The following PKP4 variants were observed in gnomAD, a reference collection of about 807,000 sequenced individuals.
The protein encoded by PKP4 is plakophilin 4, also known as plakophilin-4.
PKP4 carries 90 observed loss-of-function variants against 145.1 expected under a neutral mutation model. The observed-to-expected ratio is 0.62, with a 90% CI of 0.52 to 0.74. The LOEUF is 0.74. Among genes scored for constraint, PKP4 ranks in the 30% least tolerant of loss-of-function variants. The probability of loss-of-function intolerance (pLI) is 0.00; values close to 1 mark genes in which losing one functional copy is unlikely to be tolerated. For missense variants in PKP4, 1,340 were observed against 1,482.7 expected (o/e 0.90, Z 1.58); for synonymous variants, 563 against 577.2 (o/e 0.98, Z 0.35).
At chr2:158,572,536 A>G (rs1441821258) in intron 2 of PKP4, among the ~76,000 whole-genome samples, 1 of 152,200 alleles carries the variant, frequency 6.6e-6, no homozygotes, top group African/African-American at 2.4e-5. Context: ...TCCATGCCAC[A>G]GGCATTTGAG....
intron 1 of PKP4, among the ~76,000 whole-genome samples, chr2:158,471,496 A>G (rs964334758): frequency 2.0e-5 from 3 of 152,222 alleles, no homozygotes; most frequent in African/African-American, 7.2e-5. Context: ...CTCATTGTCA[A>G]AAAAAGCCTT....
chr2:158,661,896 T>C, intron 13 of PKP4: 1 of 160,606 alleles, frequency 6.2e-6, no homozygotes, highest in Non-Finnish European at 1.4e-5. Flanking sequence ...TGCACCTCTC[T>C]ACACCCCCTC....
chr2:158,528,621 G>A (rs182649499), intron 1 of PKP4, among the ~76,000 whole-genome samples: 4,811 of 71,494 alleles, frequency 0.067, 128 homozygotes, highest in South Asian at 0.14. Flanking sequence ...ATGTACCCTA[G>A]AACTTAAAGT....
rs746041922 is a variant in PKP4, at chr2:158,624,860, T to C, written c.604-18T>C. 1.0e-5 allele frequency: 16 copies of C among 1,547,380 alleles called. No homozygotes were observed. The highest frequency in any genetic ancestry group is 9.7e-5 in the Admixed American group (5 of 51,800). On this transcript the variant is annotated intron_variant, in intron 6 of 21. Transcript: ENST00000389759. ...ACCCTGGATAAACCCATTCTCTTTT[T>C]TCCCCCCCTTTCATCAGCCATCAGT...
chr2:158,480,393 C>G (rs1189034154), intron 1 of PKP4, among the ~76,000 whole-genome samples: 1 of 152,040 alleles, frequency 6.6e-6, no homozygotes, highest in Non-Finnish European at 1.5e-5. Flanking sequence ...CCCACCACCA[C>G]GCCCAGCTAA....
At chr2:158,530,248 G>C (rs2043392505) in intron 1 of PKP4, among the ~76,000 whole-genome samples, 1 of 152,162 alleles carries the variant, frequency 6.6e-6, no homozygotes, top group African/African-American at 2.4e-5. Context: ...CCCAAGATCT[G>C]TGTCTAGCTC....
At chr2:158,620,841 TAA>T (rs1391544048) in intron 4 of PKP4, 147 bp from the exon 5 acceptor site, 11 of 631,238 alleles carry the variant, frequency 1.7e-5, no homozygotes, top group South Asian at 8.0e-5. Flanking sequence ...TTCATATAGT[TAA>T]GAGTCAGATG....
rs181103882 is a variant in PKP4 at position 158,483,195 on chromosome 2, T to C, written c.-6+25977T>C. ...AGCTGTGATTGGTTTTCTTTTTCTT[T>C]TTTGTTTATCCATTTCTCATGGTGG... On this transcript the variant is annotated intron_variant, in intron 1 of 21. Coordinates refer to ENST00000389759, the MANE Select transcript of PKP4 (RefSeq NM_003628.6). 1.5e-3 allele frequency among the ~76,000 whole-genome samples: 226 copies of C among 152,308 alleles called. 1 individual carries two copies. Among genetic ancestry groups the C allele is most frequent in the African/African-American group, 5.0e-3 (208 of 41,572 alleles).
chr2:158,640,859 A>G, intron 10 of PKP4, 100 bp downstream of exon 10: 1 of 1,302,504 alleles, frequency 7.7e-7, no homozygotes, highest in Non-Finnish European at 1.1e-6. Context: ...GTAATTCAAG[A>G]GTCTTTTTAA....
chr2:158,573,136 C>A (rs1029436410), intron 2 of PKP4, among the ~76,000 whole-genome samples: 1 of 152,170 alleles, frequency 6.6e-6, no homozygotes, highest in Admixed American at 6.5e-5. Flanking sequence ...CATATAAAGA[C>A]ATTATGTGAT....
intron 4 of PKP4, among the ~76,000 whole-genome samples, chr2:158,605,847 C>T (rs753314425): frequency 1.2e-4 from 19 of 152,076 alleles, no homozygotes; most frequent in Non-Finnish European, 5.9e-5. Context: ...ACTTTCTTTC[C>T]TTATGGATTT....
chr2:158,680,110 C>A (rs2058338365), intron 21 of PKP4, among the ~76,000 whole-genome samples: 1 of 152,218 alleles, frequency 6.6e-6, no homozygotes, highest in Admixed American at 6.5e-5. Context: ...GCCTCCACAG[C>A]TGAGCACACA....
chr2:158,579,859 C>CTA (rs1276034279), intron 3 of PKP4, among the ~76,000 whole-genome samples: 9 of 150,770 alleles, frequency 6.0e-5, no homozygotes, highest in East Asian at 1.9e-4. Flanking sequence ...ATATATATAG[C>CTA]TATATATATA....
At chr2:158,483,139 A>G (rs1693617627) in intron 1 of PKP4, among the ~76,000 whole-genome samples, 1 of 152,170 alleles carries the variant, frequency 6.6e-6, no homozygotes, top group Non-Finnish European at 1.5e-5. Flanking sequence ...GGGAAGTTGT[A>G]TCTTTTAGAA....
Position 158,605,549 on chromosome 2 carries a change from T to C in PKP4, c.280+2445T>C, listed in dbSNP as rs1230788867. Among the ~76,000 whole-genome samples the C allele has an allele frequency of 3.3e-5, 5 of 152,302 alleles. No individual in the cohort carries two copies. In the East Asian group the frequency reaches 9.6e-4, roughly 29 times the overall value. On this transcript the variant is annotated intron_variant, in intron 4 of 21. Transcript: ENST00000389759. ...TTTTTTATGGCAAATTTGGCACACA[T>C]GCATGTGAACTTAATTTTTTGTTTG... is the stretch of plus-strand genomic sequence containing the variant.
chr2:158,615,478 A>G (rs1443975395), intron 4 of PKP4, among the ~76,000 whole-genome samples: 2 of 152,162 alleles, frequency 1.3e-5, no homozygotes, highest in Non-Finnish European at 2.9e-5. Context: ...GGTATAAAGT[A>G]TAAATTTTTA....
At chr2:158,640,559 A>T in intron 9 of PKP4, 68 bp from the exon 10 acceptor site, 1 of 1,538,580 alleles carries the variant, frequency 6.5e-7, no homozygotes, top group Non-Finnish European at 8.8e-7. Flanking sequence ...TCCTTATACC[A>T]AGTGTTTTTT....
chr2:158,612,120 C>G (rs1442017050), intron 4 of PKP4, among the ~76,000 whole-genome samples: 1 of 151,576 alleles, frequency 6.6e-6, no homozygotes, highest in African/African-American at 2.4e-5. Context: ...CAACTGCACA[C>G]ACACACACAC....
intron 1 of PKP4, among the ~76,000 whole-genome samples, chr2:158,506,544 A>G (rs2040994076): frequency 6.6e-6 from 1 of 152,200 alleles, no homozygotes; most frequent in African/African-American, 2.4e-5. Flanking sequence ...GGGCTTCCTG[A>G]CAGAAGTGCT....
Sources: allele counts gnomAD v4.1 joint callset (sites outside exome capture counted in the v4.1 genomes callset), GRCh38; gene constraint gnomAD v4.1.1; transcripts MANE v1.5; gene names NCBI Gene and HGNC (gene_info 2026-07-23, HGNC 2026-07-21).